PDE1C: variants seen among roughly 807,000 people sequenced by gnomAD.
PDE1C encodes dual specificity calcium/calmodulin-dependent 3',5'-cyclic nucleotide phosphodiesterase 1C.
In PDE1C, 62 loss-of-function variants were observed where a neutral mutation model predicts 93.1. The ratio of observed to expected loss-of-function variants is 0.67; its 90% CI spans 0.54 to 0.82. PDE1C has a LOEUF of 0.82. Among genes scored for constraint, PDE1C ranks in the 40% least tolerant of loss-of-function variants. PDE1C has a pLI of 0.00. For missense variants in PDE1C, 742 were observed against 884.6 expected (o/e 0.84, Z 2.04); for synonymous variants, 325 against 310.1 (o/e 1.05, Z -0.50).
At chr7:31,642,812 C>A in the PDE1C span, 2 of 1,613,794 alleles carry the variant, frequency 1.2e-6, no homozygotes, top group African/African-American at 1.3e-5. Context: ...AAAAGTAGGG[C>A]GAGCATGTCT....
At chr7:32,003,948 T>C (rs994323189) in intron 2 of PDE1C, among the ~76,000 whole-genome samples, 1 of 152,176 alleles carries the variant, frequency 6.6e-6, no homozygotes, top group Non-Finnish European at 1.5e-5. Flanking sequence ...AGGAAGACCT[T>C]TCTAACAAGG....
intron 1 of PDE1C, among the ~76,000 whole-genome samples, chr7:32,324,988 G>C (rs186350564): frequency 6.9e-4 from 105 of 152,292 alleles, no homozygotes; most frequent in African/African-American, 2.5e-3. Context: ...GAAACTCCAA[G>C]ATAGGAGCAT....
Position 32,326,562 on chromosome 7 carries a change from G to A in PDE1C, c.310+101260C>T, listed in dbSNP as rs118060973. Among the ~76,000 whole-genome samples the A allele has an allele frequency of 2.1e-4, 32 of 152,132 alleles. No individual in the cohort carries two copies. The East Asian group carries it at 5.4e-3, about 26-fold the overall frequency. On this transcript the variant is annotated intron_variant, in intron 1 of 1. Coordinates refer to the PDE1C transcript ENST00000672256. ...TCAGCTAAGTTTAATGCCTAGGACC[G>A]GTCAAGTAAGAGAAGGACTAATACT...
intron 9 of PDE1C, among the ~76,000 whole-genome samples, chr7:31,841,860 A>T (rs1791948239): frequency 1.3e-5 from 2 of 152,094 alleles, no homozygotes; most frequent in Admixed American, 6.6e-5. Flanking sequence ...CCAATATTGT[A>T]CTTCCAACTT....
chr7:32,227,172 T>C (rs1460860962), intron 1 of PDE1C, among the ~76,000 whole-genome samples: 1 of 152,136 alleles, frequency 6.6e-6, no homozygotes, highest in Non-Finnish European at 1.5e-5. Context: ...AGGTGAGATC[T>C]TTCTCTCTAG....
intron 1 of PDE1C, among the ~76,000 whole-genome samples, chr7:32,246,577 T>C (rs1298810099): frequency 6.6e-6 from 1 of 152,150 alleles, no homozygotes; most frequent in Non-Finnish European, 1.5e-5. Flanking sequence ...CTACACAGAA[T>C]GTGAGAACAT....
At chr7:32,113,868 C>T (rs1313351046) in intron 3 of PDE1C, among the ~76,000 whole-genome samples, 1 of 152,036 alleles carries the variant, frequency 6.6e-6, no homozygotes, top group Non-Finnish European at 1.5e-5. Flanking sequence ...CATGAATGAA[C>T]TCCGATTCAC....
At chr7:32,149,355 G>A (rs552476492) in intron 3 of PDE1C, among the ~76,000 whole-genome samples, 4 of 152,294 alleles carry the variant, frequency 2.6e-5, no homozygotes, top group South Asian at 2.1e-4. Flanking sequence ...GTCTGAAGAA[G>A]GACAACAGAG....
At chr7:31,668,289 T>G in the PDE1C span, among the ~76,000 whole-genome samples, 38 of 152,226 alleles carry the variant, frequency 2.5e-4, no homozygotes, top group East Asian at 7.4e-3. Flanking sequence ...ATGCTAAGCA[T>G]AGAGTTGCCA....
At chr7:32,375,843 A>T (rs574990035) in intron 1 of PDE1C, among the ~76,000 whole-genome samples, 2 of 152,338 alleles carry the variant, frequency 1.3e-5, no homozygotes, top group Admixed American at 1.3e-4. Context: ...TGAAGACCTA[A>T]TATCATTTGA....
intron 1 of PDE1C, among the ~76,000 whole-genome samples, chr7:32,378,124 T>TC (rs1784465006): frequency 6.6e-6 from 1 of 152,050 alleles, no homozygotes; most frequent in African/African-American, 2.4e-5. Flanking sequence ...ATGTTAGGAG[T>TC]CCTACCAACT....
At chr7:32,060,714 AT>A (rs56982110) in intron 1 of PDE1C, among the ~76,000 whole-genome samples, 49 of 150,672 alleles carry the variant, frequency 3.3e-4, no homozygotes, top group African/African-American at 5.1e-4. Context: ...CGATTCTTTC[AT>A]TTTTTTTTTA....
At chr7:32,024,246 C>G (rs1789103268) in intron 2 of PDE1C, among the ~76,000 whole-genome samples, 1 of 151,868 alleles carries the variant, frequency 6.6e-6, no homozygotes, top group South Asian at 2.1e-4. Context: ...CCTGGTCAAT[C>G]TAAAATTGAT....
intron 2 of PDE1C, among the ~76,000 whole-genome samples, chr7:31,962,654 A>G (rs890892967): frequency 3.3e-5 from 5 of 152,228 alleles, no homozygotes; most frequent in African/African-American, 1.2e-4. Flanking sequence ...TATTTTCAGT[A>G]AGTCATAGAA....
At chr7:31,619,679 C>T in the PDE1C span, among the ~76,000 whole-genome samples, 3 of 152,056 alleles carry the variant, frequency 2.0e-5, no homozygotes, top group Non-Finnish European at 4.4e-5. Context: ...GCGTGAGCCA[C>T]GCAGAAGACG....
At chr7:32,390,282 T>C (rs1412331299) in intron 1 of PDE1C, among the ~76,000 whole-genome samples, 1 of 152,048 alleles carries the variant, frequency 6.6e-6, no homozygotes, top group African/African-American at 2.4e-5. Context: ...TAGATTGTGA[T>C]AAATTAAGAT....
the PDE1C span, among the ~76,000 whole-genome samples, chr7:31,667,199 C>A: frequency 7.2e-5 from 11 of 152,236 alleles, no homozygotes; most frequent in Non-Finnish European, 1.5e-4. Context: ...CCGCCTATAG[C>A]TTTTGGAATA....
At chr7:32,411,890 A>AT (rs1785178406) in intron 1 of PDE1C, among the ~76,000 whole-genome samples, 1 of 144,778 alleles carries the variant, frequency 6.9e-6, no homozygotes, top group Non-Finnish European at 1.5e-5. Context: ...AAAATATTTT[A>AT]ATTTTTTTTT....
chr7:32,149,650 A>C (rs539082673), intron 3 of PDE1C, among the ~76,000 whole-genome samples: 136 of 152,332 alleles, frequency 8.9e-4, no homozygotes, highest in African/African-American at 3.2e-3. Context: ...CATGGGAGAA[A>C]TGTTGGGCGG....
Sources: gnomAD v4.1 joint callset for allele counts (sites outside exome capture counted in the v4.1 genomes callset) on GRCh38, gnomAD v4.1.1 for gene constraint, MANE v1.5 for transcripts, NCBI Gene and HGNC (gene_info 2026-07-23, HGNC 2026-07-21) for gene names.